Variants in PABPN1 observed in about 807,000 individuals in gnomAD.
The protein encoded by PABPN1 is polyadenylate-binding protein 2.
A neutral mutation model predicts 33.4 loss-of-function variants in PABPN1; 5 were observed. That is an observed-to-expected ratio of 0.15 (90% CI 0.08 to 0.32). PABPN1 has a LOEUF of 0.32. Among genes scored for constraint, PABPN1 ranks in the 10% least tolerant of loss-of-function variants. The pLI is 1.00. For missense variants in PABPN1, 312 were observed against 425.8 expected, an observed-to-expected ratio of 0.73 and a Z score of 2.35; for synonymous variants, 176 against 170.6, an observed-to-expected ratio of 1.03 and a Z score of -0.25.
In PABPN1 at chr14:23,322,980, AATT is replaced by A. The variant is rs1288751907; in HGVS notation, c.467-15_467-13del. The A allele has an allele frequency of 3.1e-6, 5 of 1,614,114 alleles. No homozygotes were observed. In the East Asian group the frequency reaches 6.7e-5, roughly 22 times the overall value. ...AAACAAGTGTGTGGTTTTTGTAAAAAATTATTTTTTCCTGATAGCTGGCCCGGT... is the reference window on the plus strand; with the variant it reads ...AAACAAGTGTGTGGTTTTTGTAAAAAATTTTTTCCTGATAGCTGGCCCGGT... On this transcript the variant is annotated splice_polypyrimidine_tract_variant and intron_variant, in intron 2 of 6. Coordinates refer to ENST00000216727, the MANE Select transcript of PABPN1 (RefSeq NM_004643.4).
Position 23,324,194 on chromosome 14 carries a change from A to G in PABPN1, c.786A>G (p.Pro262=), listed in dbSNP as rs545069653. The change falls in exon 6 of 7, where the codon CCA becomes CCG. Residue 262 remains proline, a synonymous_variant. Coordinates refer to ENST00000216727, the MANE Select transcript of PABPN1 (RefSeq NM_004643.4). The part of the protein sequence containing the change: ...PGISTTDRGF[P]RARYRARTTN... ...TCAGCACAACAGACCGGGGTTTTCC[A>G]CGAGCCCGCTACCGCGCCCGGACCA... 26 of 1,614,194 alleles carry G rather than the reference A, an allele frequency of 1.6e-5. No individual in the cohort carries two copies. In the East Asian group the frequency reaches 4.7e-4, roughly 29 times the overall value.
At chr14:23,325,017 G>T in intron 6 of PABPN1, 1 of 479,028 alleles carries the variant, frequency 2.1e-6, no homozygotes. Flanking sequence ...TCACTCAGAT[G>T]CGCTTCTTTT....
intron 3 of PABPN1, 93 bp downstream of exon 3, chr14:23,323,159 T>C (rs1192744304): frequency 3.2e-6 from 5 of 1,562,822 alleles, no homozygotes; most frequent in Non-Finnish European, 3.5e-6. Context: ...GGGATAGATG[T>C]GGTTTTGGGT....
chr14:23,322,639 A>G, intron 2 of PABPN1: 1 of 459,390 alleles, frequency 2.2e-6, no homozygotes, highest in Non-Finnish European at 4.0e-6. Context: ...ATTCTAAGAG[A>G]AAGCAAGCTG....
At chr14:23,322,739 T>C (rs1594989080) in intron 2 of PABPN1, 2 of 526,522 alleles carry the variant, frequency 3.8e-6, no homozygotes, top group East Asian at 6.8e-5. Flanking sequence ...AAGCCATTCA[T>C]TAGGGATTTG....
chr14:23,323,612 T>G, intron 4 of PABPN1, 129 bp downstream of exon 4: 1 of 929,016 alleles, frequency 1.1e-6, no homozygotes, highest in South Asian at 1.4e-5. Flanking sequence ...ATCATGGCAT[T>G]AATGTTGATA....
At chr14:23,324,559 G>C (rs1470347231) in intron 6 of PABPN1, 2 of 587,046 alleles carry the variant, frequency 3.4e-6, no homozygotes, top group African/African-American at 3.7e-5. Context: ...TTTCTTGGGA[G>C]TTGGTGGCAT....
chr14:23,325,589 C>T lies in PABPN1; in HGVS notation c.*303C>T, dbSNP rs1464215448. 3 of 382,642 alleles carry T rather than the reference C, an allele frequency of 7.8e-6. No homozygotes were observed. The highest frequency in any genetic ancestry group is 3.5e-5 in the South Asian group (1 of 28,826). 23.7% of individuals were successfully genotyped at this position (382,642 alleles called of 1,614,324 possible). ...CCCATGTTTCCCTGCCCCACTTCAC[C>T]CCCTTGGGGGCTGCTCAAGGGTAGG... On this transcript the variant is annotated 3_prime_UTR_variant, in exon 7 of 7. Transcript: ENST00000216727.
chr14:23,323,834 T>C (rs1888515496), intron 4 of PABPN1, 131 bp from the exon 5 acceptor site: 3 of 968,364 alleles, frequency 3.1e-6, no homozygotes, highest in Admixed American at 2.3e-5. Flanking sequence ...ATTGAAATTT[T>C]CCATTTAGAA....
chr14:23,324,495 A>T (rs1888589226), intron 6 of PABPN1: 5 of 655,396 alleles, frequency 7.6e-6, no homozygotes, highest in Non-Finnish European at 1.3e-5. Flanking sequence ...GAAATTGGTG[A>T]TAAGGGCTGC....
At position 23,321,700 on chromosome 14, in the gene PABPN1, C is replaced by T. The variant is rs1594987697; in HGVS notation, c.231C>T (p.Pro77=). ...EPEPEEEPPR[P]RAPPGAPGPG... ...AGCCCGAAGAGGAGCCGCCCCGGCC[C>T]CGCGCCCCCCCGGGAGCTCCGGGCC... is the stretch of plus-strand genomic sequence containing the variant. Residue 77 remains proline (P), a synonymous_variant, in exon 1 of 7, where the codon CCC becomes CCT. Coordinates refer to ENST00000216727, the MANE Select transcript of PABPN1 (RefSeq NM_004643.4). 1 of 1,537,712 alleles carries T rather than the reference C, an allele frequency of 6.5e-7. No individual in the cohort carries two copies.
intron 3 of PABPN1, 27 bp downstream of exon 3, chr14:23,323,093 T>C: frequency 6.2e-7 from 1 of 1,613,664 alleles, no homozygotes; most frequent in Non-Finnish European, 8.5e-7. Flanking sequence ...TGACTGGGGT[T>C]GGGGGCAAGT....
intron 4 of PABPN1, 77 bp from the exon 5 acceptor site, chr14:23,323,888 C>A: frequency 1.4e-6 from 2 of 1,471,862 alleles, no homozygotes; most frequent in Non-Finnish European, 1.9e-6. Context: ...TAGCCCAAAA[C>A]GAAGCATGCC....
At chr14:23,322,834 T>C in intron 2 of PABPN1, 165 bp from the exon 3 acceptor site, 1 of 772,262 alleles carries the variant, frequency 1.3e-6, no homozygotes, top group East Asian at 2.5e-5. Flanking sequence ...GTACCTGCTA[T>C]GCACTAGGCA....
Position 23,324,294 on chromosome 14 carries a change from G to T in PABPN1, c.881+5G>T. The T allele has an allele frequency of 6.2e-7, 1 of 1,611,464 alleles. No homozygotes were observed. The highest frequency in any genetic ancestry group is 8.5e-7 in the Non-Finnish European group (1 of 1,180,002). ...GCCCCGGGGTCGCGTCTACAGGTCA[G>T]GATAGATGGGCTGCTCCTCTTTCCC... On this transcript the variant is annotated splice_donor_5th_base_variant and intron_variant, in intron 6 of 6. Transcript: ENST00000216727.
rs767227035 is a variant in PABPN1, at chr14:23,323,400, A to G, written c.558A>G (p.Glu186=). 1.3e-5 allele frequency: 21 copies of G among 1,613,616 alleles called. No individual in the cohort carries two copies. The East Asian group carries it at 4.2e-4, about 33-fold the overall frequency. ...VGNVDYGATA[E]ELEAHFHGCG... ...AGGTGGACTATGGTGCAACAGCAGAAGAGCTGGAAGCTCACTTTCATGGCT... is the reference window on the plus strand; with the variant it reads ...AGGTGGACTATGGTGCAACAGCAGAGGAGCTGGAAGCTCACTTTCATGGCT... Residue 186 remains glutamate, a synonymous_variant, in exon 4 of 7, where the codon GAA becomes GAG. Coordinates refer to ENST00000216727, the MANE Select transcript of PABPN1 (RefSeq NM_004643.4).
chr14:23,322,908 T>C (rs2138473527), intron 2 of PABPN1, 91 bp from the exon 3 acceptor site: 3 of 1,576,302 alleles, frequency 1.9e-6, no homozygotes, highest in Non-Finnish European at 2.6e-6. Flanking sequence ...TCACTGAGCT[T>C]ATGGGATAGT....
At position 23,324,293 on chromosome 14, in the gene PABPN1, A is replaced by G. The variant is rs1304712544; in HGVS notation, c.881+4A>G. 3 of 1,611,788 alleles carry G rather than the reference A, an allele frequency of 1.9e-6. No homozygotes were observed. Among genetic ancestry groups the G allele is most frequent in the Non-Finnish European group, 2.5e-6 (3 of 1,179,998 alleles). On this transcript the variant is annotated splice_donor_region_variant and intron_variant, in intron 6 of 6. Transcript: ENST00000216727. ...GGCCCCGGGGTCGCGTCTACAGGTC[A>G]GGATAGATGGGCTGCTCCTCTTTCC...
chr14:23,325,034 CTGTT>C, intron 6 of PABPN1: 1 of 408,842 alleles, frequency 2.4e-6, no homozygotes, highest in South Asian at 3.7e-5. Flanking sequence ...TTTTTCGCCA[CTGTT>C]TGGCAGTTTT....
Sources: allele counts gnomAD v4.1 joint callset, GRCh38; gene constraint gnomAD v4.1.1; transcripts MANE v1.5; gene names NCBI Gene and HGNC (gene_info 2026-07-23, HGNC 2026-07-21).